The following MRE11 variants were observed in gnomAD, a reference collection of about 807,000 sequenced individuals.
The protein encoded by MRE11 is MRE11 double strand break repair nuclease, also known as double-strand break repair protein MRE11.
MRE11 carries 62 observed loss-of-function variants against 91.7 expected under a neutral mutation model. That is an observed-to-expected ratio of 0.68 (90% CI 0.55 to 0.84). MRE11 has a LOEUF of 0.84. MRE11 is among the 40% of genes least tolerant of loss of function. The pLI, the probability that MRE11 is intolerant of heterozygous loss-of-function variation, is 0.00. For synonymous variants in MRE11, 273 were observed against 271.4 expected (o/e 1.01, Z -0.06); for missense variants, 796 against 852.9 (o/e 0.93, Z 0.83).
chr11:94,422,330 T>C (rs1945192191), intron 19 of MRE11, among the ~76,000 whole-genome samples: 1 of 152,206 alleles, frequency 6.6e-6, no homozygotes, highest in Non-Finnish European at 1.5e-5. Context: ...GATCTGGAAC[T>C]GGAGTTTTTT....
chr11:94,500,358 A>G, the MRE11 span, among the ~76,000 whole-genome samples: 2 of 152,360 alleles, frequency 1.3e-5, no homozygotes, highest in Middle Eastern at 3.4e-3. Flanking sequence ...AACTCTACAC[A>G]TAAGACAAAT....
Position 94,465,607 on chromosome 11 carries a change from G to A in MRE11, c.1099-1368C>T, listed in dbSNP as rs140361547. On this transcript the variant is annotated intron_variant, in intron 10 of 19. Transcript: ENST00000323929. Reference sequence around the variant, plus strand: ...GACAGGGTTTTGCCATGTTGCCCAGGCTGGTCTCGAACTCCTGACGTCAGA... The same window carrying A: ...GACAGGGTTTTGCCATGTTGCCCAGACTGGTCTCGAACTCCTGACGTCAGA... Among the ~76,000 whole-genome samples, 877 of 151,976 alleles carry A rather than the reference G, an allele frequency of 5.8e-3. 5 individuals are homozygous for A. The highest frequency in any genetic ancestry group is 0.019 in the African/African-American group (796 of 41,430).
intron 17 of MRE11, 103 bp downstream of exon 17, chr11:94,437,073 CA>C (rs1945637891): frequency 2.0e-6 from 2 of 1,008,732 alleles, no homozygotes; most frequent in Admixed American, 4.8e-5. Flanking sequence ...TTTAATGTTC[CA>C]TAATTTTTCT....
chr11:94,482,143 GA>G (rs1289924984), intron 4 of MRE11, among the ~76,000 whole-genome samples: 1 of 152,144 alleles, frequency 6.6e-6, no homozygotes, highest in African/African-American at 2.4e-5. Flanking sequence ...AGAACAATGA[GA>G]AAATCTTAAG....
At chr11:94,495,565 G>A (rs1279396280), upstream of MRE11, among the ~76,000 whole-genome samples, 1 of 152,220 alleles carries the variant, frequency 6.6e-6, no homozygotes, top group Non-Finnish European at 1.5e-5. Context: ...ATAGAGTTGA[G>A]AGGCTGGGAA....
Position 94,479,795 on chromosome 11 carries a change from C to A in MRE11, c.315-34G>T, listed in dbSNP as rs115461304. The A allele has an allele frequency of 5.9e-4, 925 of 1,557,576 alleles. 4 individuals are homozygous for A. In the African/African-American group the frequency reaches 0.011, roughly 18 times the overall value. On this transcript the variant is annotated intron_variant, in intron 4 of 19. Transcript: ENST00000323929. ...AAAAAAGTTACTTAAAATTTCCATACGGGACAAAAGCTGTTTTCCCTAAGA... is the reference window on the plus strand; with the variant it reads ...AAAAAAGTTACTTAAAATTTCCATAAGGGACAAAAGCTGTTTTCCCTAAGA...
intron 13 of MRE11, among the ~76,000 whole-genome samples, chr11:94,457,887 T>TCTCTCACACACACACA (rs372404360): frequency 3.5e-5 from 5 of 144,304 alleles, no homozygotes; most frequent in East Asian, 4.1e-4. Flanking sequence ...TCTCTCTCTC[T>TCTCTCACACACACACA]CACACACACA....
At chr11:94,449,348 A>T (rs966459952) in intron 14 of MRE11, among the ~76,000 whole-genome samples, 3 of 152,242 alleles carry the variant, frequency 2.0e-5, no homozygotes, top group Admixed American at 2.0e-4. Context: ...ATTTCAATTC[A>T]TCTTTCCTGT....
chr11:94,476,288 C>T lies in MRE11; in HGVS notation c.659+1G>A, dbSNP rs759130031. On this transcript the variant is annotated splice_donor_variant, in intron 7 of 19. Coordinates refer to ENST00000323929, the MANE Select transcript of MRE11 (RefSeq NM_005591.4). LOFTEE classifies it high-confidence loss of function. ...CAAACTTTTTCAGAGAAAAGTTTTA[C>T]CTGTTCTGATGAATCACAAATAAGT... 10 of 1,599,742 alleles carry T rather than the reference C, an allele frequency of 6.3e-6. No homozygotes were observed. The East Asian group carries it at 2.2e-4, about 36-fold the overall frequency.
chr11:94,492,002 T>TGGA (rs1233907500), intron 2 of MRE11, among the ~76,000 whole-genome samples: 1 of 152,190 alleles, frequency 6.6e-6, no homozygotes, highest in Non-Finnish European at 1.5e-5. Flanking sequence ...AAGGTATAAT[T>TGGA]ATTCCAATTA....
chr11:94,416,318 C>T lies in MRE11; in HGVS notation c.*3807G>A, dbSNP rs1186365179. 6.6e-6 allele frequency: 1 copy of T among 152,176 alleles called. No homozygotes were observed. Among genetic ancestry groups the T allele is most frequent in the Non-Finnish European group, 1.5e-5 (1 of 68,032 alleles). The allele number at this position is 152,176 out of a possible 1,614,324, so 9.4% of individuals were successfully genotyped here. On this transcript the variant is annotated 3_prime_UTR_variant, in exon 20 of 20. Transcript: ENST00000323929. ...ATCCAGTTATTTGACACAGCAAAGACATACAAATGTACATGGCAACAGCAA... is the reference window on the plus strand; with the variant it reads ...ATCCAGTTATTTGACACAGCAAAGATATACAAATGTACATGGCAACAGCAA...
chr11:94,435,094 T>C lies in MRE11; in HGVS notation c.1994+738A>G, dbSNP rs185427160. 3.7e-3 allele frequency among the ~76,000 whole-genome samples: 560 copies of C among 152,292 alleles called. 3 individuals are homozygous for C. Among genetic ancestry groups the C allele is most frequent in the Non-Finnish European group, 3.6e-3 (248 of 68,028 alleles). ...AAAACACACAGGAAGAGCATGCAAG[T>C]CCTCTGAAGGCAGACTGAGTCTACG... is the stretch of plus-strand genomic sequence containing the variant. On this transcript the variant is annotated intron_variant, in intron 18 of 19. Coordinates refer to ENST00000323929, the MANE Select transcript of MRE11 (RefSeq NM_005591.4).
chr11:94,478,940 G>A (rs1290127324), intron 5 of MRE11, 64 bp from the exon 6 acceptor site: 36 of 1,528,442 alleles, frequency 2.4e-5, no homozygotes, highest in African/African-American at 2.7e-5. Flanking sequence ...CATGAATATC[G>A]TATCACCTGT....
chr11:94,480,137 A>C (rs1043992207), intron 4 of MRE11, among the ~76,000 whole-genome samples: 6 of 152,170 alleles, frequency 3.9e-5, no homozygotes, highest in African/African-American at 1.4e-4. Flanking sequence ...AGGTAGATTA[A>C]AACTCCCAGC....
intron 5 of MRE11, 34 bp from the exon 6 acceptor site, chr11:94,478,910 T>C: frequency 3.1e-6 from 5 of 1,608,156 alleles, no homozygotes; most frequent in Non-Finnish European, 4.3e-6. Context: ...TGTTAGTGTG[T>C]ATGTAAAAGT....
intron 12 of MRE11, 36 bp from the exon 13 acceptor site, chr11:94,459,617 T>G (rs972710190): frequency 6.3e-7 from 1 of 1,598,920 alleles, no homozygotes; most frequent in African/African-American, 1.3e-5. Context: ...AGAAATAGTT[T>G]TTATTCCTTA....
At chr11:94,497,034 G>C, upstream of MRE11, 2 of 1,557,776 alleles carry the variant, frequency 1.3e-6, no homozygotes, top group Non-Finnish European at 1.8e-6. Context: ...TACTGTTATG[G>C]CCATCATACC....
intron 3 of MRE11, 88 bp from the exon 4 acceptor site, chr11:94,486,172 A>G: frequency 3.9e-6 from 5 of 1,278,300 alleles, no homozygotes; most frequent in Non-Finnish European, 3.3e-6. Flanking sequence ...AAAAAAACTC[A>G]CAAAAGACAC....
At chr11:94,429,582 C>T (rs1945408643) in intron 19 of MRE11, among the ~76,000 whole-genome samples, 1 of 152,210 alleles carries the variant, frequency 6.6e-6, no homozygotes, top group African/African-American at 2.4e-5. Flanking sequence ...CCAAATACCA[C>T]ATGTCCTCAC....
Sources: gnomAD v4.1 joint callset for allele counts (sites outside exome capture counted in the v4.1 genomes callset) on GRCh38, gnomAD v4.1.1 for gene constraint, MANE v1.5 for transcripts, NCBI Gene and HGNC (gene_info 2026-07-23, HGNC 2026-07-21) for gene names.